Variants in STIM2 observed in about 807,000 individuals in gnomAD.
STIM2 encodes stromal interaction molecule 2.
In STIM2, 31 loss-of-function variants were observed where a neutral mutation model predicts 85.8. The ratio of observed to expected loss-of-function variants is 0.36; its 90% CI spans 0.27 to 0.49. STIM2 has a LOEUF of 0.49. Ranked by LOEUF, STIM2 falls within the 20% of genes least tolerant of loss-of-function variation. STIM2 has a pLI of 0.98. For missense variants in STIM2, 841 were observed against 927.6 expected (o/e 0.91, Z 1.21); for synonymous variants, 356 against 331.1 (o/e 1.08, Z -0.82).
chr4:26,948,781 GT>G lies in STIM2; in HGVS notation c.283-8820del, dbSNP rs558423142. ...TAAATTATGTATTACTAATTCTTTA[GT>G]TTTTTTTTTTAAAGGAAATTGTAAT... On this transcript the variant is annotated intron_variant, in intron 2 of 11. Transcript: ENST00000467087. Among the ~76,000 whole-genome samples the G allele has an allele frequency of 8.1e-3, 1,199 of 147,356 alleles. 12 individuals carry two copies. The highest frequency in any genetic ancestry group is 0.019 in the African/African-American group (756 of 40,400).
At chr4:26,943,819 G>A (rs1319537913) in intron 2 of STIM2, among the ~76,000 whole-genome samples, 2 of 151,728 alleles carry the variant, frequency 1.3e-5, no homozygotes, top group African/African-American at 2.4e-5. Context: ...AACTTTATTG[G>A]TCTTACCCCT....
chr4:27,015,609 A>G (rs1460152904), intron 10 of STIM2, among the ~76,000 whole-genome samples: 2 of 152,102 alleles, frequency 1.3e-5, no homozygotes, highest in African/African-American at 2.4e-5. Context: ...TTAGTTTTCA[A>G]TAATTATTTC....
intron 3 of STIM2, among the ~76,000 whole-genome samples, chr4:26,973,488 C>T (rs899007514): frequency 1.3e-5 from 2 of 152,118 alleles, no homozygotes; most frequent in Non-Finnish European, 2.9e-5. Context: ...GCCTTCATTT[C>T]GTTATTTTCC....
intron 3 of STIM2, among the ~76,000 whole-genome samples, chr4:26,961,149 G>A (rs2109096355): frequency 6.6e-6 from 1 of 152,290 alleles, no homozygotes; most frequent in Admixed American, 6.5e-5. Flanking sequence ...GGGGGTTCTA[G>A]TAGAGTTGAG....
chr4:26,877,375 A>G (rs540628995), intron 1 of STIM2, among the ~76,000 whole-genome samples: 1 of 152,058 alleles, frequency 6.6e-6, no homozygotes, highest in Non-Finnish European at 1.5e-5. Context: ...TGTTGTCCAG[A>G]TCCTTTAACA....
At chr4:26,974,654 T>G (rs1446231958) in intron 3 of STIM2, among the ~76,000 whole-genome samples, 2 of 152,222 alleles carry the variant, frequency 1.3e-5, no homozygotes, top group South Asian at 2.1e-4. Flanking sequence ...GACCTTTCTC[T>G]CTGGCTGCCT....
At chr4:26,933,684 GAGCT>G (rs1725283258) in intron 2 of STIM2, among the ~76,000 whole-genome samples, 1 of 138,356 alleles carries the variant, frequency 7.2e-6, no homozygotes, top group South Asian at 2.3e-4. Context: ...AAGATCACTT[GAGCT>G]AAGGAGTTGG....
In STIM2 at chr4:26,931,869, A is replaced by G. The variant is rs1332704534; in HGVS notation, c.282+12235A>G. ...GGAAAATAATGGCAATCAGCACACA[A>G]TTAAAGTAGCAGAGAATGTTAGTAA... On this transcript the variant is annotated intron_variant, in intron 2 of 11. Coordinates refer to ENST00000467087, the MANE Select transcript of STIM2 (RefSeq NM_020860.4). Among the ~76,000 whole-genome samples, 3 of 152,224 alleles carry G rather than the reference A, an allele frequency of 2.0e-5. No individual in the cohort carries two copies. The East Asian group carries it at 5.8e-4, about 29-fold the overall frequency.
chr4:26,865,202 A>AT (rs1207605613), intron 1 of STIM2, among the ~76,000 whole-genome samples: 1 of 152,092 alleles, frequency 6.6e-6, no homozygotes. Context: ...TAGTTGTATT[A>AT]TTGTTGCTAA....
At chr4:26,990,189 T>C (rs1349666694) in intron 3 of STIM2, among the ~76,000 whole-genome samples, 1 of 152,138 alleles carries the variant, frequency 6.6e-6, no homozygotes, top group Non-Finnish European at 1.5e-5. Context: ...GATATCACAC[T>C]ACCTGAATTC....
chr4:26,894,068 C>T lies in STIM2; in HGVS notation c.152-25436C>T, dbSNP rs1723604639. Among the ~76,000 whole-genome samples, 3 of 152,152 alleles carry T rather than the reference C, an allele frequency of 2.0e-5. No homozygotes were observed. In the South Asian group the frequency reaches 6.2e-4, roughly 32 times the overall value. On this transcript the variant is annotated intron_variant, in intron 1 of 11. Coordinates refer to ENST00000467087, the MANE Select transcript of STIM2 (RefSeq NM_020860.4). Reference sequence around the variant, plus strand: ...TGCGCCAGGCTAATTTTTATATTTTCAGTAAAAATGGGGTTTCACCATCTT... The same window carrying T: ...TGCGCCAGGCTAATTTTTATATTTTTAGTAAAAATGGGGTTTCACCATCTT...
intron 3 of STIM2, among the ~76,000 whole-genome samples, chr4:26,989,606 A>G (rs953838117): frequency 6.6e-6 from 1 of 152,210 alleles, no homozygotes; most frequent in African/African-American, 2.4e-5. Context: ...TACCAGAAAT[A>G]CTAGCCAGAA....
Position 26,990,459 on chromosome 4 carries a change from T to G in STIM2, c.398-4920T>G, listed in dbSNP as rs560027713. Among the ~76,000 whole-genome samples, 4 of 152,228 alleles carry G rather than the reference T, an allele frequency of 2.6e-5. No individual in the cohort carries two copies. The East Asian group carries it at 7.7e-4, about 29-fold the overall frequency. On this transcript the variant is annotated intron_variant, in intron 3 of 11. Coordinates refer to ENST00000467087, the MANE Select transcript of STIM2 (RefSeq NM_020860.4). ...ATGCAAAAATCAACTCAAAATTGATTAAAGACTTAAATGTAAGATCTGAAA... is the reference window on the plus strand; with the variant it reads ...ATGCAAAAATCAACTCAAAATTGATGAAAGACTTAAATGTAAGATCTGAAA...
chr4:26,992,921 G>T (rs1426648134), intron 3 of STIM2, among the ~76,000 whole-genome samples: 1 of 152,092 alleles, frequency 6.6e-6, no homozygotes, highest in Non-Finnish European at 1.5e-5. Context: ...TTTTCAATTT[G>T]CTAAGCAGAG....
intron 2 of STIM2, among the ~76,000 whole-genome samples, chr4:26,938,196 C>G (rs949986868): frequency 6.9e-6 from 1 of 145,668 alleles, no homozygotes; most frequent in Non-Finnish European, 1.5e-5. Context: ...TTTTTTAAAA[C>G]AAAAAAATGT....
intron 1 of STIM2, among the ~76,000 whole-genome samples, chr4:26,881,283 T>C (rs1577412690): frequency 6.6e-6 from 1 of 152,036 alleles, no homozygotes; most frequent in East Asian, 1.9e-4. Flanking sequence ...CTGGCCAATA[T>C]GGTGACACCC....
chr4:26,888,550 G>A (rs1028851367), intron 1 of STIM2, among the ~76,000 whole-genome samples: 1 of 152,286 alleles, frequency 6.6e-6, no homozygotes, highest in Admixed American at 6.5e-5. Context: ...TCACATGGTC[G>A]TAGCTGGTTT....
At chr4:26,891,936 C>G (rs538634179) in intron 1 of STIM2, among the ~76,000 whole-genome samples, 1 of 152,228 alleles carries the variant, frequency 6.6e-6, no homozygotes, top group African/African-American at 2.4e-5. Context: ...TGCGAGGGAC[C>G]CAGTGGGAGA....
At chr4:26,985,976 G>T (rs1231277861) in intron 3 of STIM2, among the ~76,000 whole-genome samples, 1 of 152,180 alleles carries the variant, frequency 6.6e-6, no homozygotes, top group African/African-American at 2.4e-5. Flanking sequence ...ACAGCTGATG[G>T]TGAATTCGGC....
Sources: gnomAD v4.1 joint callset for allele counts (sites outside exome capture counted in the v4.1 genomes callset) on GRCh38, gnomAD v4.1.1 for gene constraint, MANE v1.5 for transcripts, NCBI Gene and HGNC (gene_info 2026-07-23, HGNC 2026-07-21) for gene names.